KLRG1: variants seen among roughly 807,000 people sequenced by gnomAD.
The protein encoded by KLRG1 is killer cell lectin like receptor G1.
KLRG1 carries 16 observed loss-of-function variants against 21.8 expected under a neutral mutation model. The observed-to-expected ratio is 0.73, with a 90% CI of 0.50 to 1.11. KLRG1 has a LOEUF of 1.11. KLRG1 is among the 50% of genes most tolerant of loss of function. The pLI is 0.00. For missense variants in KLRG1, 173 were observed against 218.3 expected, an observed-to-expected ratio of 0.79 and a Z score of 1.31; for synonymous variants, 69 against 75.9, an observed-to-expected ratio of 0.91 and a Z score of 0.47.
At chr12:9,008,350 C>G (rs1422017837) in intron 3 of KLRG1, among the ~76,000 whole-genome samples, 1 of 152,194 alleles carries the variant, frequency 6.6e-6, no homozygotes, top group Non-Finnish European at 1.5e-5. Context: ...GTAATATTAT[C>G]TTATTTGCTA....
chr12:9,028,149 CTTT>C, the KLRG1 span: 420 of 484,226 alleles, frequency 8.7e-4, no homozygotes, highest in East Asian at 1.2e-3. Flanking sequence ...TCGTCTTCTT[CTTT>C]TTTTTTTTTT....
the KLRG1 span, among the ~76,000 whole-genome samples, chr12:9,156,920 A>G: frequency 6.6e-6 from 1 of 151,598 alleles, no homozygotes; most frequent in African/African-American, 2.4e-5. Flanking sequence ...CTATTTATTT[A>G]TTTATTTTTT....
the KLRG1 span, among the ~76,000 whole-genome samples, chr12:9,041,161 C>G: frequency 6.6e-6 from 1 of 152,046 alleles, no homozygotes; most frequent in Non-Finnish European, 1.5e-5. Flanking sequence ...CATGGTGAAA[C>G]CCTGTCTCTA....
the KLRG1 span, chr12:9,163,895 A>C: frequency 7.2e-7 from 1 of 1,390,170 alleles, no homozygotes; most frequent in Non-Finnish European, 9.7e-7. Flanking sequence ...AATAAGGCTA[A>C]AAAAAAAGAA....
the KLRG1 span, chr12:9,101,348 A>T: frequency 1.5e-6 from 2 of 1,328,046 alleles, no homozygotes; most frequent in Non-Finnish European, 2.1e-6. Context: ...GAACATGGAT[A>T]AGAAGTTGAA....
chr12:9,048,764 C>T, the KLRG1 span, among the ~76,000 whole-genome samples: 6 of 152,210 alleles, frequency 3.9e-5, no homozygotes, highest in African/African-American at 1.4e-4. Context: ...ACTTTCCCCT[C>T]AAATCCTGAA....
chr12:8,991,261 A>G (rs909926477), intron 1 of KLRG1, among the ~76,000 whole-genome samples: 6 of 151,138 alleles, frequency 4.0e-5, no homozygotes, highest in Non-Finnish European at 8.9e-5. Flanking sequence ...AAATACTTCC[A>G]TTTTTCAAAT....
At chr12:8,971,703 C>T (rs751824816) in intron 1 of KLRG1, among the ~76,000 whole-genome samples, 5 of 152,110 alleles carry the variant, frequency 3.3e-5, no homozygotes, top group African/African-American at 9.6e-5. Flanking sequence ...GTTGGCCAGG[C>T]TGGTCTTGAA....
intron 3 of KLRG1, among the ~76,000 whole-genome samples, chr12:9,006,085 G>C (rs139227854): frequency 6.6e-6 from 1 of 152,192 alleles, no homozygotes; most frequent in Non-Finnish European, 1.5e-5. Flanking sequence ...TAGAAGAGAG[G>C]ATTTTGAATG....
chr12:9,110,302 C>T, the KLRG1 span: 715 of 1,468,672 alleles, frequency 4.9e-4, 2 homozygotes, highest in Middle Eastern at 4.4e-3. Context: ...TGGAATGTTT[C>T]ATGTTGCTTA....
chr12:9,134,487 T>C, the KLRG1 span, among the ~76,000 whole-genome samples: 2 of 152,228 alleles, frequency 1.3e-5, no homozygotes, highest in Non-Finnish European at 2.9e-5. Flanking sequence ...TTGTCGACTA[T>C]AAGTACAACA....
At chr12:8,964,999 G>C (rs919962699) in intron 1 of KLRG1, among the ~76,000 whole-genome samples, 5 of 152,150 alleles carry the variant, frequency 3.3e-5, no homozygotes, top group Non-Finnish European at 5.9e-5. Flanking sequence ...CACTTTGCCA[G>C]TCTGTGTCCC....
the KLRG1 span, among the ~76,000 whole-genome samples, chr12:9,022,227 T>G: frequency 2.0e-5 from 3 of 152,220 alleles, no homozygotes; most frequent in African/African-American, 7.2e-5. Context: ...TAATTGTATG[T>G]GCTATACTTT....
chr12:9,091,447 T>C, the KLRG1 span: 16 of 1,613,004 alleles, frequency 9.9e-6, no homozygotes, highest in Non-Finnish European at 1.4e-5. Flanking sequence ...GGAGTGTAAG[T>C]GAAGAACAGA....
the KLRG1 span, chr12:9,095,655 G>A: frequency 6.2e-7 from 1 of 1,610,958 alleles, no homozygotes; most frequent in African/African-American, 1.3e-5. Context: ...TCATTCAAAG[G>A]CCCAGGGAAG....
At chr12:9,040,398 G>T in the KLRG1 span, among the ~76,000 whole-genome samples, 1 of 152,136 alleles carries the variant, frequency 6.6e-6, no homozygotes, top group African/African-American at 2.4e-5. Context: ...GGACCCATTA[G>T]GTTGAAATCA....
At chr12:9,194,487 C>T in the KLRG1 span, among the ~76,000 whole-genome samples, 7 of 120,382 alleles carry the variant, frequency 5.8e-5, no homozygotes, top group African/African-American at 2.2e-4. Context: ...TTTTTTGAGA[C>T]GGAGTCTCGC....
intron 3 of KLRG1, among the ~76,000 whole-genome samples, chr12:9,003,686 G>GT (rs71045234): frequency 0.29 from 42,587 of 148,054 alleles, 7,100 homozygotes; most frequent in East Asian, 0.4. Flanking sequence ...TGTTCAGAGG[G>GT]TTTTTTTTTT....
downstream of KLRG1, among the ~76,000 whole-genome samples, chr12:9,012,876 T>C (rs1325329022): frequency 6.6e-6 from 1 of 152,082 alleles, no homozygotes; most frequent in African/African-American, 2.4e-5. Context: ...AGCCAGGTAG[T>C]GGTTACCACA....
Sources: gnomAD v4.1 joint callset for allele counts (sites outside exome capture counted in the v4.1 genomes callset) on GRCh38, gnomAD v4.1.1 for gene constraint, MANE v1.5 for transcripts, NCBI Gene and HGNC (gene_info 2026-07-23, HGNC 2026-07-21) for gene names.